Variants in RASGEF1A observed in about 807,000 individuals in gnomAD.
RASGEF1A encodes the protein ras-GEF domain-containing family member 1A.
Under a neutral mutation model 56.4 loss-of-function variants are expected in RASGEF1A, and 18 were observed. That is an observed-to-expected ratio of 0.32 (90% CI 0.22 to 0.47). RASGEF1A has a LOEUF of 0.47. Among genes scored for constraint, RASGEF1A ranks in the 20% least tolerant of loss-of-function variants. The pLI, the probability that RASGEF1A is intolerant of heterozygous loss-of-function variation, is 1.00. For synonymous variants in RASGEF1A, 245 were observed against 242.6 expected, an observed-to-expected ratio of 1.01 and a Z score of -0.09; for missense variants, 422 against 627.1, an observed-to-expected ratio of 0.67 and a Z score of 3.49.
Position 43,203,258 on chromosome 10 carries a change from C to T in RASGEF1A, c.321+40G>A, listed in dbSNP as rs774140929. On this transcript the variant is annotated intron_variant, in intron 3 of 12. Coordinates refer to ENST00000395810, the MANE Select transcript of RASGEF1A (RefSeq NM_145313.4). Reference sequence around the variant, plus strand: ...CCCTAGCCTTGACCTCGCCTCCTGCCCCCTGCCCCCGCCCGTGCCCCAGCC... The same window carrying T: ...CCCTAGCCTTGACCTCGCCTCCTGCTCCCTGCCCCCGCCCGTGCCCCAGCC... The T allele has an allele frequency of 2.0e-5, 31 of 1,531,598 alleles. No individual in the cohort carries two copies. In the African/African-American group the frequency reaches 3.8e-4, roughly 19 times the overall value. 94.9% of individuals were successfully genotyped at this position (1,531,598 alleles called of 1,614,324 possible).
chr10:43,217,894 C>T (rs755271383), intron 1 of RASGEF1A, among the ~76,000 whole-genome samples: 47 of 152,322 alleles, frequency 3.1e-4, no homozygotes, highest in African/African-American at 7.0e-4. Context: ...TGAGCTGAAA[C>T]GTGTCTCCCT....
chr10:43,211,124 A>G (rs1033011732), intron 1 of RASGEF1A, among the ~76,000 whole-genome samples: 1 of 152,224 alleles, frequency 6.6e-6, no homozygotes, highest in Non-Finnish European at 1.5e-5. Flanking sequence ...AGCAAAGCAG[A>G]GAAGAGTGAC....
At chr10:43,238,527 GCCC>G (rs1223695102) in intron 1 of RASGEF1A, among the ~76,000 whole-genome samples, 1 of 152,210 alleles carries the variant, frequency 6.6e-6, no homozygotes. Flanking sequence ...CACTGCCCCA[GCCC>G]CATGTCCACA....
At chr10:43,200,319 T>C (rs1839873509) in intron 5 of RASGEF1A, 63 bp from the exon 6 acceptor site, 2 of 1,415,586 alleles carry the variant, frequency 1.4e-6, no homozygotes, top group Non-Finnish European at 2.0e-6. Flanking sequence ...CAGCACTGCA[T>C]AGGCATGCGG....
In RASGEF1A at chr10:43,244,794, C is replaced by T. The variant is rs149402268; in HGVS notation, c.-7+22051G>A. On this transcript the variant is annotated intron_variant, in intron 1 of 12. Transcript: ENST00000395810. Reference sequence around the variant, plus strand: ...ATGAAAACATAACATGCCAAACTTACGGAATACAGCAAAAGCAGTGCTGAG... The same window carrying T: ...ATGAAAACATAACATGCCAAACTTATGGAATACAGCAAAAGCAGTGCTGAG... 3.4e-4 allele frequency among the ~76,000 whole-genome samples: 52 copies of T among 152,140 alleles called. 1 individual carries two copies. The highest frequency in any genetic ancestry group is 1.1e-3 in the African/African-American group (46 of 41,526).
At chr10:43,218,555 CAGGGAACT>C (rs1334200962) in intron 1 of RASGEF1A, among the ~76,000 whole-genome samples, 150 of 152,382 alleles carry the variant, frequency 9.8e-4, no homozygotes, top group Non-Finnish European at 1.8e-3. Context: ...TGCAGCAGGG[CAGGGAACT>C]CCCTGCAGCC....
chr10:43,212,877 T>TCACACAGGTGCACACATGCA (rs1335095140), intron 1 of RASGEF1A, among the ~76,000 whole-genome samples: 3 of 152,206 alleles, frequency 2.0e-5, no homozygotes, highest in African/African-American at 7.2e-5. Context: ...ACACACAGGT[T>TCACACAGGTGCACACATGCA]CACACAGGTG....
intron 1 of RASGEF1A, among the ~76,000 whole-genome samples, chr10:43,265,209 C>A (rs766047198): frequency 1.2e-4 from 19 of 152,238 alleles, no homozygotes; most frequent in Non-Finnish European, 2.6e-4. Flanking sequence ...GTGAACTGTT[C>A]CATTTCCACG....
At chr10:43,247,932 C>T (rs1347228736) in intron 1 of RASGEF1A, among the ~76,000 whole-genome samples, 4 of 151,922 alleles carry the variant, frequency 2.6e-5, no homozygotes, top group Non-Finnish European at 5.9e-5. Context: ...GCCATGGTGG[C>T]ACACACCTGT....
At chr10:43,226,421 A>C (rs953694797) in intron 1 of RASGEF1A, among the ~76,000 whole-genome samples, 1 of 152,012 alleles carries the variant, frequency 6.6e-6, no homozygotes, top group African/African-American at 2.4e-5. Context: ...GGGCAACAGG[A>C]GCAAAACTCT....
intron 1 of RASGEF1A, among the ~76,000 whole-genome samples, chr10:43,216,691 C>T (rs1182354277): frequency 6.6e-6 from 1 of 152,130 alleles, no homozygotes; most frequent in Non-Finnish European, 1.5e-5. Context: ...AGAAACTGCC[C>T]GCCTTGGGGA....
Position 43,244,496 on chromosome 10 carries a change from C to T in RASGEF1A, c.-7+22349G>A, listed in dbSNP as rs552198376. On this transcript the variant is annotated intron_variant, in intron 1 of 12. Transcript: ENST00000395810. ...CACTCCACTTAACAACAACAGAACA[C>T]ATACTCTTCTCAAGTGCACAGGAAA... is the stretch of plus-strand genomic sequence containing the variant. 7.1e-4 allele frequency among the ~76,000 whole-genome samples: 108 copies of T among 151,250 alleles called. 6 individuals are homozygous for T. In the South Asian group the frequency reaches 0.022, roughly 31 times the overall value.
chr10:43,210,779 G>A (rs1450432892), intron 1 of RASGEF1A, among the ~76,000 whole-genome samples: 2 of 152,240 alleles, frequency 1.3e-5, no homozygotes, highest in Non-Finnish European at 2.9e-5. Context: ...GCCAGCCAGT[G>A]TGCCAGACCA....
At chr10:43,222,626 C>G (rs1451568725) in intron 1 of RASGEF1A, among the ~76,000 whole-genome samples, 2 of 152,236 alleles carry the variant, frequency 1.3e-5, no homozygotes, top group Non-Finnish European at 2.9e-5. Context: ...CCTGAGCATC[C>G]CTTCCTCTTA....
intron 1 of RASGEF1A, among the ~76,000 whole-genome samples, chr10:43,244,161 CT>C (rs1321404522): frequency 5.3e-5 from 8 of 152,192 alleles, no homozygotes; most frequent in African/African-American, 1.9e-4. Flanking sequence ...GCAAGATGTG[CT>C]TTGTTAAACA....
intron 1 of RASGEF1A, among the ~76,000 whole-genome samples, chr10:43,244,404 TAA>T (rs60277953): frequency 2.5e-4 from 37 of 149,906 alleles, no homozygotes; most frequent in African/African-American, 8.6e-4. Context: ...ATAAAAAAAT[TAA>T]AAAAAAAAAT....
chr10:43,237,509 T>C (rs1840446166), intron 1 of RASGEF1A, among the ~76,000 whole-genome samples: 1 of 141,898 alleles, frequency 7.0e-6, no homozygotes, highest in African/African-American at 2.6e-5. Flanking sequence ...ACAGACACAG[T>C]CCTCCTGACC....
intron 1 of RASGEF1A, among the ~76,000 whole-genome samples, chr10:43,221,054 A>G (rs1840201018): frequency 6.6e-6 from 1 of 152,142 alleles, no homozygotes; most frequent in Non-Finnish European, 1.5e-5. Context: ...AGAACTCCGA[A>G]GCCTCTTTTC....
chr10:43,217,068 G>A (rs1195548196), intron 1 of RASGEF1A, among the ~76,000 whole-genome samples: 1 of 152,178 alleles, frequency 6.6e-6, no homozygotes, highest in Non-Finnish European at 1.5e-5. Flanking sequence ...TGGAGGGGGA[G>A]AAATGAGGTA....
Sources: gnomAD v4.1 joint callset for allele counts (sites outside exome capture counted in the v4.1 genomes callset) on GRCh38, gnomAD v4.1.1 for gene constraint, MANE v1.5 for transcripts, NCBI Gene and HGNC (gene_info 2026-07-23, HGNC 2026-07-21) for gene names.